The following FHIT variants were observed in gnomAD, a reference collection of about 807,000 sequenced individuals.
The protein encoded by FHIT is bis(5'-adenosyl)-triphosphatase.
FHIT carries 19 observed loss-of-function variants against 17.9 expected under a neutral mutation model. That is an observed-to-expected ratio of 1.06 (90% CI 0.74 to 1.56). The LOEUF (loss-of-function observed/expected upper bound fraction) is 1.56. Ranked by LOEUF, FHIT falls within the 40% of genes most tolerant of loss-of-function variation. The probability of loss-of-function intolerance (pLI) is 0.00; values close to 1 mark genes in which losing one functional copy is unlikely to be tolerated. For missense variants in FHIT, 248 were observed against 189.2 expected (o/e 1.31, Z -1.82); for synonymous variants, 81 against 69.7 (o/e 1.16, Z -0.81).
rs1309554395 is a variant in FHIT at position 61,216,884 on chromosome 3, T to C, written c.-212-16219A>G. Among the ~76,000 whole-genome samples the C allele has an allele frequency of 2.0e-5, 3 of 151,216 alleles. No individual in the cohort carries two copies. In the South Asian group the frequency reaches 6.2e-4, roughly 31 times the overall value. On this transcript the variant is annotated intron_variant, in intron 1 of 9. Transcript: ENST00000492590. ...TTGGAAATCATCATTCTCAGTAAACTATCGCAAGGACAAAAAACCAAACAC... is the reference window on the plus strand; with the variant it reads ...TTGGAAATCATCATTCTCAGTAAACCATCGCAAGGACAAAAAACCAAACAC...
At chr3:60,530,485 T>C (rs1351773644) in intron 5 of FHIT, among the ~76,000 whole-genome samples, 1 of 152,138 alleles carries the variant, frequency 6.6e-6, no homozygotes, top group Non-Finnish European at 1.5e-5. Flanking sequence ...CATTGTTCTG[T>C]CTATGATAAA....
At chr3:60,244,769 G>A (rs563175306) in intron 5 of FHIT, among the ~76,000 whole-genome samples, 6 of 152,144 alleles carry the variant, frequency 3.9e-5, no homozygotes, top group Admixed American at 3.3e-4. Flanking sequence ...AATTCTAGAT[G>A]TTTCACATTT....
At chr3:60,210,680 A>G (rs1378020925) in intron 5 of FHIT, among the ~76,000 whole-genome samples, 1 of 152,186 alleles carries the variant, frequency 6.6e-6, no homozygotes, top group Non-Finnish European at 1.5e-5. Context: ...GACAAATGCA[A>G]TCGAAAACAA....
chr3:60,826,547 G>T (rs563370807), intron 3 of FHIT, among the ~76,000 whole-genome samples: 7 of 152,010 alleles, frequency 4.6e-5, no homozygotes, highest in South Asian at 2.1e-4. Flanking sequence ...GCTGGTCGAG[G>T]TTAGTTTTTT....
intron 4 of FHIT, among the ~76,000 whole-genome samples, chr3:60,590,638 G>C (rs1402476203): frequency 1.3e-5 from 2 of 152,120 alleles, no homozygotes; most frequent in African/African-American, 2.4e-5. Flanking sequence ...TATTTATTTT[G>C]CAACTTCTGT....
At chr3:60,028,963 G>T (rs567365240) in intron 5 of FHIT, among the ~76,000 whole-genome samples, 1 of 152,168 alleles carries the variant, frequency 6.6e-6, no homozygotes, top group African/African-American at 2.4e-5. Flanking sequence ...CCAAAGCACA[G>T]AAAAGATGCC....
chr3:60,026,763 T>A (rs1700755596), intron 5 of FHIT, among the ~76,000 whole-genome samples: 1 of 152,166 alleles, frequency 6.6e-6, no homozygotes, highest in Non-Finnish European at 1.5e-5. Context: ...TCAAGCTATG[T>A]TTAGACAGCA....
chr3:61,113,974 T>C (rs1243768494), intron 2 of FHIT, among the ~76,000 whole-genome samples: 1 of 152,196 alleles, frequency 6.6e-6, no homozygotes, highest in Non-Finnish European at 1.5e-5. Context: ...GCAACTATTA[T>C]TACCACGGTC....
intron 8 of FHIT, among the ~76,000 whole-genome samples, chr3:59,913,402 A>C (rs1704978007): frequency 6.6e-6 from 1 of 152,188 alleles, no homozygotes; most frequent in Non-Finnish European, 1.5e-5. Context: ...GTAGTCAAAC[A>C]GACTTTGATA....
chr3:60,164,617 A>T (rs1256421226), intron 5 of FHIT, among the ~76,000 whole-genome samples: 1 of 152,096 alleles, frequency 6.6e-6, no homozygotes, highest in Non-Finnish European at 1.5e-5. Flanking sequence ...GTCAAAAAAA[A>T]AAAATAAAAG....
At chr3:60,606,937 T>A (rs2107723906) in intron 4 of FHIT, among the ~76,000 whole-genome samples, 1 of 152,312 alleles carries the variant, frequency 6.6e-6, no homozygotes, top group Non-Finnish European at 1.5e-5. Flanking sequence ...CTCTGTTACC[T>A]GCTTCCACTG....
At chr3:60,096,150 G>C (rs1476813347) in intron 5 of FHIT, among the ~76,000 whole-genome samples, 1 of 152,208 alleles carries the variant, frequency 6.6e-6, no homozygotes, top group Non-Finnish European at 1.5e-5. Flanking sequence ...CTCAGGCCGA[G>C]TCTGACTTGC....
intron 4 of FHIT, among the ~76,000 whole-genome samples, chr3:60,750,104 C>G (rs558774605): frequency 1.3e-5 from 2 of 152,114 alleles, no homozygotes; most frequent in Non-Finnish European, 2.9e-5. Flanking sequence ...CAGGGACCAT[C>G]TGACTCATGC....
chr3:60,020,076 C>T (rs146060823), intron 5 of FHIT, among the ~76,000 whole-genome samples: 213 of 152,264 alleles, frequency 1.4e-3, no homozygotes, highest in African/African-American at 4.8e-3. Context: ...TCCCACACTG[C>T]CTCATGAAAC....
chr3:60,521,058 T>A (rs2035340476), intron 5 of FHIT, among the ~76,000 whole-genome samples: 1 of 152,152 alleles, frequency 6.6e-6, no homozygotes, highest in African/African-American at 2.4e-5. Context: ...TTTAAATGAC[T>A]AATTTAAACT....
chr3:60,726,697 T>C (rs2041922884), intron 4 of FHIT, among the ~76,000 whole-genome samples: 1 of 152,190 alleles, frequency 6.6e-6, no homozygotes, highest in African/African-American at 2.4e-5. Context: ...TATAGCTCTC[T>C]AGGTACCTAA....
intron 3 of FHIT, among the ~76,000 whole-genome samples, chr3:60,989,852 T>C (rs1315230557): frequency 6.6e-6 from 1 of 152,184 alleles, no homozygotes; most frequent in Non-Finnish European, 1.5e-5. Flanking sequence ...ATCTGTGCAC[T>C]GCCTGGAGGT....
chr3:60,179,474 C>A (rs1470205854), intron 5 of FHIT, among the ~76,000 whole-genome samples: 1 of 152,166 alleles, frequency 6.6e-6, no homozygotes, highest in Non-Finnish European at 1.5e-5. Context: ...TGAAATTAAA[C>A]CATTAAAATG....
chr3:60,235,148 G>T (rs1704704548), intron 5 of FHIT, among the ~76,000 whole-genome samples: 1 of 151,682 alleles, frequency 6.6e-6, no homozygotes, highest in South Asian at 2.1e-4. Context: ...CTAAAACATG[G>T]CATATTGCAT....
Sources: gnomAD v4.1 joint callset for allele counts (sites outside exome capture counted in the v4.1 genomes callset) on GRCh38, gnomAD v4.1.1 for gene constraint, MANE v1.5 for transcripts, NCBI Gene and HGNC (gene_info 2026-07-23, HGNC 2026-07-21) for gene names.